The following DDX4 variants were observed in gnomAD, a reference collection of about 807,000 sequenced individuals.
DDX4 encodes the protein DEAD-box helicase 4.
DDX4 carries 25 observed loss-of-function variants against 100.0 expected under a neutral mutation model. The ratio of observed to expected loss-of-function variants is 0.25; its 90% CI spans 0.18 to 0.35. The LOEUF (loss-of-function observed/expected upper bound fraction) is 0.35, where lower values mean the gene tolerates loss of function less well. Ranked by LOEUF, DDX4 falls within the 10% of genes least tolerant of loss-of-function variation. The pLI, the probability that DDX4 is intolerant of heterozygous loss-of-function variation, is 1.00. For synonymous variants in DDX4, 259 were observed against 275.7 expected (o/e 0.94, Z 0.60); for missense variants, 635 against 882.4 (o/e 0.72, Z 3.55).
chr5:55,815,008 A>G lies in DDX4; in HGVS notation c.1823A>G (p.Asn608Ser), dbSNP rs1213641447. The part of the protein sequence containing the change: ...SVAARGLDIE[N>S]VQHVINFDLP... The stretch of plus-strand genomic sequence containing the variant: ...GCTGCCAGAGGGCTGGATATTGAAA[A>G]TGTGCAACATGTTATCAATTTTGAT... The change falls in exon 20 of 22, where the codon AAT becomes AGT. Residue 608 changes from asparagine (N) to serine (S), a missense_variant. Physicochemically the swap from Asn to Ser is conservative, Grantham distance 46 (BLOSUM62 1). Transcript: ENST00000505374. 6.2e-7 allele frequency: 1 copy of G among 1,614,072 alleles called. No individual in the cohort carries two copies. The highest frequency in any genetic ancestry group is 1.7e-5 in the Admixed American group (1 of 60,004).
intron 18 of DDX4, among the ~76,000 whole-genome samples, chr5:55,801,216 T>TTG (rs1199692171): frequency 7.6e-4 from 91 of 120,254 alleles, no homozygotes; most frequent in Middle Eastern, 8.8e-3. Context: ...TGATGGGGTG[T>TTG]TTTTTTTTTT....
chr5:55,779,483 T>G (rs1442711723), intron 7 of DDX4, among the ~76,000 whole-genome samples: 1 of 152,218 alleles, frequency 6.6e-6, no homozygotes, highest in Non-Finnish European at 1.5e-5. Context: ...AAATTTTACT[T>G]GAACTGCTTC....
intron 18 of DDX4, among the ~76,000 whole-genome samples, chr5:55,799,121 A>G (rs1486622313): frequency 2.0e-5 from 3 of 152,110 alleles, no homozygotes; most frequent in Non-Finnish European, 4.4e-5. Flanking sequence ...TCGGCCTGAA[A>G]TAATTGTGTA....
chr5:55,816,755 A>G lies in DDX4; in HGVS notation c.*215A>G. 2 of 712,020 alleles carry G rather than the reference A, an allele frequency of 2.8e-6. No homozygotes were observed. Among genetic ancestry groups the G allele is most frequent in the Non-Finnish European group, 4.2e-6 (2 of 478,838 alleles). 44.1% of individuals were successfully genotyped at this position (712,020 alleles called of 1,614,324 possible). On this transcript the variant is annotated 3_prime_UTR_variant, in exon 22 of 22. Transcript: ENST00000505374. ...ACTGATACAAATGGTGTTAACTGGG[A>G]ATATTAAAGCATTCTAAATGTCTTT... is the stretch of plus-strand genomic sequence containing the variant.
At chr5:55,807,104 T>G (rs1359733712) in intron 18 of DDX4, among the ~76,000 whole-genome samples, 9 of 152,152 alleles carry the variant, frequency 5.9e-5, no homozygotes, top group African/African-American at 1.4e-4. Flanking sequence ...TTTGTTCTTT[T>G]TTGGTTTAAA....
At chr5:55,815,283 T>A (rs758133465) in intron 20 of DDX4, 30 bp from the exon 21 acceptor site, 1 of 1,601,250 alleles carries the variant, frequency 6.2e-7, no homozygotes, top group Non-Finnish European at 8.5e-7. Flanking sequence ...TAATACTTTA[T>A]GTTGCATATG....
At chr5:55,762,190 A>G (rs1215571022) in intron 4 of DDX4, among the ~76,000 whole-genome samples, 2 of 152,186 alleles carry the variant, frequency 1.3e-5, no homozygotes, top group African/African-American at 4.8e-5. Flanking sequence ...GACAGTATAT[A>G]GGGATCACAG....
chr5:55,800,626 G>T (rs533821499), intron 18 of DDX4, among the ~76,000 whole-genome samples: 1 of 152,190 alleles, frequency 6.6e-6, no homozygotes, highest in South Asian at 2.1e-4. Context: ...GCCCGGCCAA[G>T]ATTTTTTTTA....
chr5:55,747,576 A>G (rs1171374747), intron 3 of DDX4, among the ~76,000 whole-genome samples: 4 of 152,188 alleles, frequency 2.6e-5, no homozygotes, highest in Non-Finnish European at 1.5e-5. Context: ...TTAAAAAACT[A>G]TGATGAAGTA....
chr5:55,760,054 T>C, intron 3 of DDX4, 146 bp from the exon 4 acceptor site: 1 of 638,670 alleles, frequency 1.6e-6, no homozygotes, highest in Non-Finnish European at 2.4e-6. Flanking sequence ...GTAGCCATTT[T>C]TTTTTTTTTT....
rs1391461320 is a variant in DDX4 at position 55,754,508 on chromosome 5, T to A, written c.128-5692T>A. 1.0e-4 allele frequency among the ~76,000 whole-genome samples: 15 copies of A among 148,944 alleles called. No individual in the cohort carries two copies. In the East Asian group the frequency reaches 2.9e-3, roughly 29 times the overall value. ...TTGCGTATATTGAACCAGCTTTGCA[T>A]CCCAGGGATGAAGCCCACTTGATCA... On this transcript the variant is annotated intron_variant, in intron 3 of 21. Coordinates refer to ENST00000505374, the MANE Select transcript of DDX4 (RefSeq NM_024415.3).
At chr5:55,810,126 C>T (rs553260441) in intron 18 of DDX4, among the ~76,000 whole-genome samples, 127 of 151,832 alleles carry the variant, frequency 8.4e-4, no homozygotes, top group Admixed American at 2.2e-3. Context: ...TTTTTGGAGA[C>T]GGAGTTTCGC....
chr5:55,785,901 T>C, intron 13 of DDX4, 30 bp downstream of exon 13: 1 of 1,527,760 alleles, frequency 6.5e-7, no homozygotes, highest in Middle Eastern at 1.7e-4. Context: ...CTGTATTAGC[T>C]ATGTAGCACA....
chr5:55,765,336 G>A (rs1460095653), intron 6 of DDX4, among the ~76,000 whole-genome samples: 1 of 145,550 alleles, frequency 6.9e-6, no homozygotes, highest in African/African-American at 2.6e-5. Flanking sequence ...ACTTCTCTCC[G>A]AAGTGGCCTG....
chr5:55,745,338 C>A (rs996812561), intron 2 of DDX4, among the ~76,000 whole-genome samples: 1 of 152,128 alleles, frequency 6.6e-6, no homozygotes, highest in African/African-American at 2.4e-5. Context: ...ATATATGGAA[C>A]TTGGCATACA....
At chr5:55,748,213 C>T (rs1759348038) in intron 3 of DDX4, among the ~76,000 whole-genome samples, 1 of 152,158 alleles carries the variant, frequency 6.6e-6, no homozygotes, top group Non-Finnish European at 1.5e-5. Context: ...GGAATCCTGC[C>T]TGCTGAAACC....
At chr5:55,776,658 A>G (rs1741585281) in intron 7 of DDX4, among the ~76,000 whole-genome samples, 1 of 152,206 alleles carries the variant, frequency 6.6e-6, no homozygotes, top group Admixed American at 6.6e-5. Flanking sequence ...CTGAATCCAA[A>G]TAACTATATT....
At chr5:55,757,303 C>T (rs550585745) in intron 3 of DDX4, among the ~76,000 whole-genome samples, 46 of 152,328 alleles carry the variant, frequency 3.0e-4, no homozygotes, top group Non-Finnish European at 4.3e-4. Flanking sequence ...TCCATTGTAT[C>T]ATTCTTATGC....
intron 4 of DDX4, 89 bp downstream of exon 4, chr5:55,760,366 T>C (rs1395060712): frequency 4.0e-5 from 54 of 1,353,900 alleles, no homozygotes; most frequent in Non-Finnish European, 5.3e-5. Flanking sequence ...CAAAGCTAAG[T>C]CTGTTGTAAG....
Sources: gnomAD v4.1 joint callset for allele counts (sites outside exome capture counted in the v4.1 genomes callset) on GRCh38, gnomAD v4.1.1 for gene constraint, MANE v1.5 for transcripts, NCBI Gene and HGNC (gene_info 2026-07-23, HGNC 2026-07-21) for gene names.